Variants in IL1RAPL2 observed in about 807,000 individuals in gnomAD.
IL1RAPL2 encodes the protein X-linked interleukin-1 receptor accessory protein-like 2.
A neutral mutation model predicts 44.1 loss-of-function variants in IL1RAPL2; 3 were observed. That is an observed-to-expected ratio of 0.07 (90% confidence interval 0.03 to 0.18). The LOEUF (loss-of-function observed/expected upper bound fraction) is 0.18, where lower values mean the gene tolerates loss of function less well. Among genes scored for constraint, IL1RAPL2 ranks in the 10% least tolerant of loss-of-function variants. The pLI, the probability that IL1RAPL2 is intolerant of heterozygous loss-of-function variation, is 1.00. For missense variants in IL1RAPL2, 391 were observed against 496.4 expected (o/e 0.79, Z 2.02); for synonymous variants, 181 against 178.8 (o/e 1.01, Z -0.10).
intron 5 of IL1RAPL2, among the ~76,000 whole-genome samples, chrX:105,314,608 T>A (rs1389222297): frequency 8.9e-6 from 1 of 111,777 alleles, no homozygotes; most frequent in African/African-American, 3.3e-5. Context: ...AAAGGCTGAG[T>A]CATTTTATGA....
chrX:105,641,170 C>T (rs966244612), intron 6 of IL1RAPL2, among the ~76,000 whole-genome samples: 3 of 108,758 alleles, frequency 2.8e-5, no homozygotes, highest in African/African-American at 1.0e-4. Flanking sequence ...TATGTCAACC[C>T]ACAAAAGTAC....
At chrX:105,081,072 C>G (rs200479490) in intron 2 of IL1RAPL2, among the ~76,000 whole-genome samples, 3 of 111,382 alleles carry the variant, frequency 2.7e-5, no homozygotes, top group East Asian at 5.7e-4. Flanking sequence ...GATTTTGTAT[C>G]CTGGGACTTT....
rs895945695 is a variant in IL1RAPL2 at position 104,628,930 on chromosome X, G to T, written c.-19-29965G>T. ...TAACAGACTAAATACATTTTCATGG[G>T]TGGTGGTGGTACATTCATACTATGG... On this transcript the variant is annotated intron_variant, in intron 1 of 10. Transcript: ENST00000372582. Among the ~76,000 whole-genome samples the T allele has an allele frequency of 2.7e-5, 3 of 111,975 alleles. 1 individual carries two copies. In the South Asian group the frequency reaches 1.1e-3, roughly 42 times the overall value.
chrX:105,337,759 C>T (rs1438740238), intron 5 of IL1RAPL2, among the ~76,000 whole-genome samples: 2 of 110,615 alleles, frequency 1.8e-5, no homozygotes, highest in African/African-American at 6.6e-5. Flanking sequence ...GGTGTGGTGG[C>T]GGGCGCCTGT....
chrX:105,390,836 A>G (rs2147729856), intron 5 of IL1RAPL2, among the ~76,000 whole-genome samples: 1 of 111,224 alleles, frequency 9.0e-6, no homozygotes, highest in East Asian at 2.9e-4. Context: ...CCTGGTAAAT[A>G]TGCATTCCAG....
At chrX:105,754,499 G>A (rs1282466001) in intron 9 of IL1RAPL2, among the ~76,000 whole-genome samples, 14 of 112,617 alleles carry the variant, frequency 1.2e-4, no homozygotes, top group Non-Finnish European at 2.4e-4. Context: ...GGCAATACTG[G>A]ACGGATGTAT....
At chrX:104,772,685 T>A (rs1932657730) in intron 2 of IL1RAPL2, among the ~76,000 whole-genome samples, 1 of 111,870 alleles carries the variant, frequency 8.9e-6, no homozygotes, top group Non-Finnish European at 1.9e-5. Context: ...TATATTAAAT[T>A]GTCTAAAGTC....
At chrX:104,795,960 C>T (rs903224178) in intron 2 of IL1RAPL2, among the ~76,000 whole-genome samples, 44 of 111,938 alleles carry the variant, frequency 3.9e-4, no homozygotes, top group African/African-American at 1.4e-3. Flanking sequence ...GTATGAGAAC[C>T]ATGCCAGGGA....
intron 1 of IL1RAPL2, among the ~76,000 whole-genome samples, chrX:104,570,939 CT>C (rs1173551082): frequency 9.2e-6 from 1 of 108,626 alleles, no homozygotes; most frequent in African/African-American, 3.3e-5. Context: ...CCCAAGCAAA[CT>C]TTTGTTTTTT....
chrX:105,000,800 A>G (rs1305227920), intron 2 of IL1RAPL2, among the ~76,000 whole-genome samples: 1 of 111,693 alleles, frequency 9.0e-6, no homozygotes, highest in East Asian at 2.8e-4. Flanking sequence ...AAGTCCATAG[A>G]ACTACAGGTT....
At chrX:105,384,036 A>AT (rs1248750984) in intron 5 of IL1RAPL2, among the ~76,000 whole-genome samples, 27 of 109,985 alleles carry the variant, frequency 2.5e-4, no homozygotes, top group African/African-American at 8.2e-4. Flanking sequence ...AATAGTTTAC[A>AT]TTTTTTTTCC....
intron 7 of IL1RAPL2, among the ~76,000 whole-genome samples, chrX:105,723,431 CAGTT>C (rs1302341930): frequency 9.0e-6 from 1 of 111,411 alleles, no homozygotes; most frequent in East Asian, 2.8e-4. Context: ...TTGCTCCTTA[CAGTT>C]AGTTCATGTT....
intron 2 of IL1RAPL2, among the ~76,000 whole-genome samples, chrX:105,163,409 G>A (rs1238763635): frequency 8.1e-5 from 9 of 111,678 alleles, no homozygotes; most frequent in African/African-American, 2.9e-4. Context: ...ATGACTCCGG[G>A]TTTTGCTTTT....
intron 5 of IL1RAPL2, among the ~76,000 whole-genome samples, chrX:105,354,786 T>C (rs1458815320): frequency 9.0e-6 from 1 of 111,564 alleles, no homozygotes; most frequent in Non-Finnish European, 1.9e-5. Flanking sequence ...TTACCATACC[T>C]CAATGTCAGA....
chrX:105,532,192 T>C (rs375079872), intron 6 of IL1RAPL2, among the ~76,000 whole-genome samples: 18 of 111,815 alleles, frequency 1.6e-4, no homozygotes, highest in African/African-American at 4.6e-4. Flanking sequence ...TCATTGATTC[T>C]AGACTTTTTC....
chrX:105,475,699 A>AC (rs757556840), intron 5 of IL1RAPL2, among the ~76,000 whole-genome samples: 1 of 110,256 alleles, frequency 9.1e-6, no homozygotes. Flanking sequence ...AAAAAAAAAA[A>AC]CAAAACTACC....
At chrX:105,180,014 C>G (rs899717835) in intron 2 of IL1RAPL2, among the ~76,000 whole-genome samples, 1 of 109,038 alleles carries the variant, frequency 9.2e-6, no homozygotes, top group Non-Finnish European at 1.9e-5. Flanking sequence ...GCTAGGACGT[C>G]CAGTACTATG....
At chrX:105,282,146 T>C (rs1472716402) in intron 5 of IL1RAPL2, among the ~76,000 whole-genome samples, 1 of 112,132 alleles carries the variant, frequency 8.9e-6, no homozygotes, top group African/African-American at 3.2e-5. Context: ...TCTGTATAAA[T>C]GAGTTTTTGC....
At chrX:105,179,996 T>A (rs1488079919) in intron 2 of IL1RAPL2, among the ~76,000 whole-genome samples, 1 of 109,728 alleles carries the variant, frequency 9.1e-6, no homozygotes, top group Non-Finnish European at 1.9e-5. Context: ...TCTTGCCTGA[T>A]TGCTCTGGCT....
Sources: gnomAD v4.1 joint callset for allele counts (sites outside exome capture counted in the v4.1 genomes callset) on GRCh38, gnomAD v4.1.1 for gene constraint, MANE v1.5 for transcripts, NCBI Gene and HGNC (gene_info 2026-07-23, HGNC 2026-07-21) for gene names.